The following STXBP5L variants were observed in gnomAD, a reference collection of about 807,000 sequenced individuals.
STXBP5L encodes the protein syntaxin binding protein 5L.
A neutral mutation model predicts 144.5 loss-of-function variants in STXBP5L; 65 were observed. That is an observed-to-expected ratio of 0.45 (90% CI 0.37 to 0.55). The LOEUF (loss-of-function observed/expected upper bound fraction) is 0.55. STXBP5L is among the 20% of genes least tolerant of loss of function. STXBP5L has a pLI of 0.00. For missense variants in STXBP5L, 1,298 were observed against 1,405.5 expected (o/e 0.92, Z 1.22); for synonymous variants, 505 against 469.6 (o/e 1.08, Z -0.97).
chr3:121,201,902 C>T (rs1028646838), intron 9 of STXBP5L, among the ~76,000 whole-genome samples: 10 of 152,178 alleles, frequency 6.6e-5, no homozygotes, highest in South Asian at 4.1e-4. Context: ...ATTACCGGCA[C>T]GTGCCACCAC....
chr3:121,014,842 A>G (rs1945030449), intron 3 of STXBP5L, among the ~76,000 whole-genome samples: 1 of 152,098 alleles, frequency 6.6e-6, no homozygotes, highest in Non-Finnish European at 1.5e-5. Flanking sequence ...AGATTACAGA[A>G]ACAAATATTT....
intron 20 of STXBP5L, among the ~76,000 whole-genome samples, chr3:121,346,694 G>T (rs1212716263): frequency 6.6e-6 from 1 of 152,150 alleles, no homozygotes; most frequent in Non-Finnish European, 1.5e-5. Context: ...GCATTGCTCT[G>T]ATGGCCAGTG....
chr3:121,072,334 G>C (rs1435922400), intron 5 of STXBP5L, among the ~76,000 whole-genome samples: 2 of 152,196 alleles, frequency 1.3e-5, no homozygotes, highest in African/African-American at 4.8e-5. Flanking sequence ...AATCCCTGGG[G>C]GCCGTGTTGG....
chr3:120,926,162 T>A (rs1301078804), intron 2 of STXBP5L, among the ~76,000 whole-genome samples: 2 of 152,180 alleles, frequency 1.3e-5, no homozygotes, highest in Non-Finnish European at 2.9e-5. Context: ...GTGGGTTTTA[T>A]GCTTTCCCAT....
At chr3:121,298,469 C>T (rs1018271566) in intron 19 of STXBP5L, among the ~76,000 whole-genome samples, 7 of 152,092 alleles carry the variant, frequency 4.6e-5, no homozygotes, top group South Asian at 2.1e-4. Flanking sequence ...GGCAAAAATA[C>T]GTAAGTGATA....
chr3:121,272,649 AT>A (rs1457189568), intron 18 of STXBP5L, among the ~76,000 whole-genome samples: 1 of 152,012 alleles, frequency 6.6e-6, no homozygotes, highest in Admixed American at 6.6e-5. Context: ...TTACAATGCT[AT>A]TTTTATTTTC....
chr3:121,374,346 G>A (rs959839295), intron 20 of STXBP5L, among the ~76,000 whole-genome samples: 2 of 152,274 alleles, frequency 1.3e-5, no homozygotes, highest in South Asian at 4.1e-4. Flanking sequence ...ATTGGGAAAA[G>A]TGACAGTTAT....
At chr3:121,217,478 C>T (rs2048819128) in intron 10 of STXBP5L, among the ~76,000 whole-genome samples, 1 of 152,054 alleles carries the variant, frequency 6.6e-6, no homozygotes, top group African/African-American at 2.4e-5. Flanking sequence ...GGTGATGCCC[C>T]ACCCTGCTTC....
chr3:121,311,404 A>G (rs1211464556), intron 19 of STXBP5L, among the ~76,000 whole-genome samples: 1 of 152,246 alleles, frequency 6.6e-6, no homozygotes, highest in Non-Finnish European at 1.5e-5. Flanking sequence ...AAAGATTGGA[A>G]AATCCAAATG....
chr3:121,309,104 AC>A (rs1230617822), intron 19 of STXBP5L, among the ~76,000 whole-genome samples: 2 of 152,132 alleles, frequency 1.3e-5, no homozygotes, highest in African/African-American at 4.8e-5. Context: ...TCAAAAAAAA[AC>A]ATGAGACAGA....
chr3:121,056,986 T>C (rs534586774), intron 5 of STXBP5L, among the ~76,000 whole-genome samples: 9 of 150,390 alleles, frequency 6.0e-5, no homozygotes, highest in Admixed American at 2.0e-4. Flanking sequence ...AATATACATA[T>C]ATATTTATAT....
At chr3:120,951,983 T>G (rs941905248) in intron 2 of STXBP5L, among the ~76,000 whole-genome samples, 5 of 151,566 alleles carry the variant, frequency 3.3e-5, no homozygotes, top group Admixed American at 1.3e-4. Context: ...CCATAAAAAA[T>G]GATGAGTTCA....
intron 10 of STXBP5L, among the ~76,000 whole-genome samples, chr3:121,211,699 G>A (rs566686797): frequency 4.6e-5 from 7 of 151,124 alleles, no homozygotes; most frequent in Admixed American, 2.0e-4. Context: ...CTGCCCCAGC[G>A]TCCTGAGTAA....
intron 9 of STXBP5L, among the ~76,000 whole-genome samples, chr3:121,165,183 G>A (rs554736370): frequency 2.6e-5 from 4 of 152,042 alleles, no homozygotes; most frequent in South Asian, 2.1e-4. Context: ...GAAGTGTTTC[G>A]GCTGTAGGTA....
At chr3:121,120,131 T>C (rs980388493) in intron 6 of STXBP5L, among the ~76,000 whole-genome samples, 22 of 151,320 alleles carry the variant, frequency 1.5e-4, no homozygotes, top group Admixed American at 1.1e-3. Context: ...TAATTCAGGG[T>C]TTCCCAAAGT....
intron 2 of STXBP5L, among the ~76,000 whole-genome samples, chr3:120,920,900 T>A (rs1229470576): frequency 6.6e-6 from 1 of 151,966 alleles, no homozygotes; most frequent in African/African-American, 2.4e-5. Flanking sequence ...GATGGGCACT[T>A]GGGTTGATTT....
chr3:120,959,614 T>C (rs891661313), intron 3 of STXBP5L, among the ~76,000 whole-genome samples: 1 of 152,212 alleles, frequency 6.6e-6, no homozygotes, highest in Non-Finnish European at 1.5e-5. Context: ...TACAACCATC[T>C]GATCTTTGAC....
intron 10 of STXBP5L, among the ~76,000 whole-genome samples, chr3:121,215,334 C>T (rs1277702176): frequency 6.6e-6 from 1 of 152,158 alleles, no homozygotes; most frequent in East Asian, 1.9e-4. Flanking sequence ...TTTGCAATGG[C>T]TAGTACCAGT....
chr3:121,280,073 A>G (rs2051008227), intron 19 of STXBP5L, 117 bp downstream of exon 19: 1 of 1,224,860 alleles, frequency 8.2e-7, no homozygotes. Flanking sequence ...TAAAATCAAC[A>G]TAATTTACAA....
Sources: allele counts gnomAD v4.1 joint callset (sites outside exome capture counted in the v4.1 genomes callset), GRCh38; gene constraint gnomAD v4.1.1; transcripts MANE v1.5; gene names NCBI Gene and HGNC (gene_info 2026-07-23, HGNC 2026-07-21).